The following ADD3 variants were observed in gnomAD, a reference collection of about 807,000 sequenced individuals.
ADD3 encodes adducin 3.
ADD3 carries 25 observed loss-of-function variants against 80.2 expected under a neutral mutation model. The ratio of observed to expected loss-of-function variants is 0.31; its 90% CI spans 0.23 to 0.44. ADD3 has a LOEUF of 0.44. ADD3 is among the 20% of genes least tolerant of loss of function. ADD3 has a pLI of 1.00. For synonymous variants in ADD3, 284 were observed against 289.6 expected, an observed-to-expected ratio of 0.98 and a Z score of 0.20; for missense variants, 829 against 847.5, an observed-to-expected ratio of 0.98 and a Z score of 0.27.
At chr10:110,112,715 G>T in intron 2 of ADD3, 62 bp from the exon 3 acceptor site, 2 of 1,553,714 alleles carry the variant, frequency 1.3e-6, no homozygotes, top group Non-Finnish European at 1.7e-6. Flanking sequence ...GATTGTATCG[G>T]AACAAGTTAC....
At chr10:110,098,235 A>T (rs74154979) in intron 1 of ADD3, among the ~76,000 whole-genome samples, 1,618 of 152,316 alleles carry the variant, frequency 0.011, 31 homozygotes, top group African/African-American at 0.038. Flanking sequence ...CATTGCAGAA[A>T]TATTATTCTT....
intron 1 of ADD3, among the ~76,000 whole-genome samples, chr10:110,029,619 G>A (rs1312175343): frequency 6.6e-6 from 1 of 152,216 alleles, no homozygotes. Context: ...GCTCACCAAT[G>A]TGTAGGCCTC....
At chr10:110,066,818 T>A (rs981643770) in intron 1 of ADD3, among the ~76,000 whole-genome samples, 3 of 152,254 alleles carry the variant, frequency 2.0e-5, no homozygotes, top group Non-Finnish European at 4.4e-5. Flanking sequence ...TAGAATTTTT[T>A]GGAAATTCTA....
intron 1 of ADD3, among the ~76,000 whole-genome samples, chr10:110,019,696 A>AT (rs1202503884): frequency 6.6e-6 from 1 of 152,246 alleles, no homozygotes; most frequent in African/African-American, 2.4e-5. Context: ...GGGATAAAGC[A>AT]TTTTTTTAAG....
At chr10:110,086,637 G>A (rs374707994) in intron 1 of ADD3, among the ~76,000 whole-genome samples, 76 of 152,134 alleles carry the variant, frequency 5.0e-4, no homozygotes, top group African/African-American at 1.6e-3. Context: ...TTCCTCCTTC[G>A]CTCGCTTGCT....
chr10:110,094,750 G>A (rs1847957945), intron 1 of ADD3, among the ~76,000 whole-genome samples: 1 of 151,998 alleles, frequency 6.6e-6, no homozygotes, highest in Non-Finnish European at 1.5e-5. Flanking sequence ...GTTTGTGTAG[G>A]GTCTAAGTTG....
chr10:110,092,845 TAG>T (rs1847714229), intron 1 of ADD3, among the ~76,000 whole-genome samples: 1 of 152,012 alleles, frequency 6.6e-6, no homozygotes, highest in Non-Finnish European at 1.5e-5. Flanking sequence ...CGCCTTTTCA[TAG>T]AGTTGTGAAG....
intron 14 of ADD3, 79 bp downstream of exon 14, chr10:110,132,479 G>GTATTC: frequency 1.2e-6 from 1 of 856,758 alleles, no homozygotes; most frequent in Non-Finnish European, 1.9e-6. Flanking sequence ...TTCACGTGAG[G>GTATTC]AAGTTGAATA....
At chr10:110,064,375 C>CTGT in intron 1 of ADD3, among the ~76,000 whole-genome samples, 2 of 152,300 alleles carry the variant, frequency 1.3e-5, no homozygotes, top group Non-Finnish European at 2.9e-5. Context: ...AGATGTTCCA[C>CTGT]ATCCTTGCCA....
At chr10:110,087,461 T>C (rs899617091) in intron 1 of ADD3, among the ~76,000 whole-genome samples, 4 of 152,248 alleles carry the variant, frequency 2.6e-5, no homozygotes, top group African/African-American at 9.6e-5. Flanking sequence ...CATCTTTAAT[T>C]TGTGGTTGGC....
At chr10:110,057,725 C>T (rs1858382077) in intron 1 of ADD3, among the ~76,000 whole-genome samples, 1 of 152,058 alleles carries the variant, frequency 6.6e-6, no homozygotes, top group African/African-American at 2.4e-5. Context: ...ACTGAGACCC[C>T]AGCATGTAAA....
chr10:110,091,268 A>G (rs191314644), intron 1 of ADD3, among the ~76,000 whole-genome samples: 1 of 152,164 alleles, frequency 6.6e-6, no homozygotes, highest in Non-Finnish European at 1.5e-5. Flanking sequence ...GAGCCATCTC[A>G]TATTTTTTGG....
At chr10:110,019,264 C>G (rs1853369045) in intron 1 of ADD3, among the ~76,000 whole-genome samples, 1 of 151,992 alleles carries the variant, frequency 6.6e-6, no homozygotes, top group East Asian at 1.9e-4. Flanking sequence ...TCTCAGTTCT[C>G]TCACTCAGAC....
chr10:110,031,142 C>T (rs905898743), intron 1 of ADD3, among the ~76,000 whole-genome samples: 10 of 152,166 alleles, frequency 6.6e-5, no homozygotes, highest in African/African-American at 1.7e-4. Flanking sequence ...GGCGTTGTGG[C>T]GCATGCCTGT....
intron 1 of ADD3, among the ~76,000 whole-genome samples, chr10:110,077,490 A>T (rs976661561): frequency 1.3e-5 from 2 of 152,162 alleles, no homozygotes; most frequent in Admixed American, 1.3e-4. Context: ...GCAATACTGT[A>T]TTTCGAGACA....
intron 1 of ADD3, among the ~76,000 whole-genome samples, chr10:110,032,794 A>G (rs1855201020): frequency 6.6e-6 from 1 of 152,226 alleles, no homozygotes; most frequent in Admixed American, 6.5e-5. Flanking sequence ...GCGTGCTCAT[A>G]TGCTGTATAC....
At chr10:110,031,181 G>T (rs1188909106) in intron 1 of ADD3, among the ~76,000 whole-genome samples, 1 of 152,214 alleles carries the variant, frequency 6.6e-6, no homozygotes, top group Non-Finnish European at 1.5e-5. Flanking sequence ...GACTGAGGCA[G>T]GAGAATCCCT....
At chr10:110,067,965 TTCTC>T (rs982210553) in intron 1 of ADD3, among the ~76,000 whole-genome samples, 66 of 152,316 alleles carry the variant, frequency 4.3e-4, no homozygotes, top group African/African-American at 1.6e-3. Context: ...TATCCTAACT[TTCTC>T]TATACTGGAA....
chr10:110,041,067 G>T (rs930211336), intron 1 of ADD3, among the ~76,000 whole-genome samples: 2 of 151,054 alleles, frequency 1.3e-5, no homozygotes. Flanking sequence ...TATCTCCCTC[G>T]CTGTCTCTCT....
Sources: gnomAD v4.1 joint callset for allele counts (sites outside exome capture counted in the v4.1 genomes callset) on GRCh38, gnomAD v4.1.1 for gene constraint, MANE v1.5 for transcripts, NCBI Gene and HGNC (gene_info 2026-07-23, HGNC 2026-07-21) for gene names.